The following RYR2 variants were observed in gnomAD, a reference collection of about 807,000 sequenced individuals.
RYR2 encodes ryanodine receptor 2.
RYR2 carries 227 observed loss-of-function variants against 601.1 expected under a neutral mutation model. That is an observed-to-expected ratio of 0.38 (90% CI 0.34 to 0.42). The LOEUF (loss-of-function observed/expected upper bound fraction) is 0.42. Among genes scored for constraint, RYR2 ranks in the 10% least tolerant of loss-of-function variants. The pLI, the probability that RYR2 is intolerant of heterozygous loss-of-function variation, is 1.00. For missense variants in RYR2, 4,646 were observed against 6,156.5 expected (o/e 0.75, Z 8.21); for synonymous variants, 2,223 against 2,175.1 (o/e 1.02, Z -0.61).
At chr1:237,210,388 GT>G (rs72317807) in intron 1 of RYR2, among the ~76,000 whole-genome samples, 4 of 151,830 alleles carry the variant, frequency 2.6e-5, no homozygotes, top group Non-Finnish European at 5.9e-5. Context: ...ACAAAGGTCT[GT>G]TTTTTTTCTT....
chr1:237,357,425 A>G (rs1400746850), intron 4 of RYR2, among the ~76,000 whole-genome samples: 1 of 151,912 alleles, frequency 6.6e-6, no homozygotes, highest in African/African-American at 2.4e-5. Flanking sequence ...CCATTACACT[A>G]TTTCTGTGCC....
intron 17 of RYR2, among the ~76,000 whole-genome samples, chr1:237,489,486 A>C (rs896763655): frequency 1.3e-5 from 2 of 152,100 alleles, no homozygotes; most frequent in African/African-American, 2.4e-5. Context: ...GTGAAACCCC[A>C]TCTCTACTAA....
At chr1:237,822,232 C>T (rs1206513625) in intron 101 of RYR2, among the ~76,000 whole-genome samples, 1 of 151,972 alleles carries the variant, frequency 6.6e-6, no homozygotes, top group Non-Finnish European at 1.5e-5. Context: ...GTCAGATTCA[C>T]CAAGGTTGAA....
chr1:237,539,357 C>T (rs1669006220), intron 25 of RYR2, among the ~76,000 whole-genome samples: 1 of 152,154 alleles, frequency 6.6e-6, no homozygotes, highest in Non-Finnish European at 1.5e-5. Context: ...CTACACGCAA[C>T]CCTTGGGCTA....
chr1:237,050,314 T>C (rs1041313448), intron 1 of RYR2, among the ~76,000 whole-genome samples: 4 of 152,062 alleles, frequency 2.6e-5, no homozygotes, highest in African/African-American at 9.7e-5. Context: ...AGAAAGTGTA[T>C]AGGAACTCAG....
intron 71 of RYR2, among the ~76,000 whole-genome samples, chr1:237,714,535 G>C (rs1257962597): frequency 6.6e-6 from 1 of 152,142 alleles, no homozygotes; most frequent in Non-Finnish European, 1.5e-5. Context: ...ATTTGAAGAA[G>C]AGTCTGTTTG....
intron 2 of RYR2, among the ~76,000 whole-genome samples, chr1:237,320,207 C>T (rs1166497438): frequency 6.6e-6 from 1 of 151,996 alleles, no homozygotes; most frequent in African/African-American, 2.4e-5. Flanking sequence ...GAAGATTTGC[C>T]AACCTTCTCA....
chr1:237,623,978 C>A, intron 39 of RYR2, 108 bp downstream of exon 39: 2 of 717,976 alleles, frequency 2.8e-6, no homozygotes, highest in Admixed American at 2.4e-5. Context: ...ACACACGATA[C>A]CTGTTAGAAA....
At chr1:237,832,202 C>CT (rs34580579) in intron 104 of RYR2, among the ~76,000 whole-genome samples, 12,233 of 148,568 alleles carry the variant, frequency 0.082, 615 homozygotes, top group Middle Eastern at 0.17. Flanking sequence ...CCACACCTGG[C>CT]TTTTTTTTGT....
At chr1:237,377,784 A>G (rs375542110) in intron 8 of RYR2, among the ~76,000 whole-genome samples, 45 of 152,342 alleles carry the variant, frequency 3.0e-4, no homozygotes, top group South Asian at 1.0e-3. Flanking sequence ...TGAAAAGGCT[A>G]TATTAATGAG....
chr1:237,331,888 G>GTC (rs1696784649), intron 3 of RYR2, among the ~76,000 whole-genome samples: 1 of 152,094 alleles, frequency 6.6e-6, no homozygotes, highest in African/African-American at 2.4e-5. Flanking sequence ...TTTTCAATGA[G>GTC]ACTTCCTGTG....
rs74147288 is a variant in RYR2, at chr1:237,480,704, G to A, written c.1709-11102G>A. ...TGCTCATTTTGTGTGTTTTATTTCA[G>A]CTAATTTACTCCAGCAAACTCCTGA... On this transcript the variant is annotated intron_variant, in intron 17 of 104. Transcript: ENST00000366574. Among the ~76,000 whole-genome samples, 500 of 152,120 alleles carry A rather than the reference G, an allele frequency of 3.3e-3. 3 individuals carry two copies. Among genetic ancestry groups the A allele is most frequent in the African/African-American group, 0.012 (487 of 41,506 alleles).
intron 11 of RYR2, among the ~76,000 whole-genome samples, chr1:237,420,828 T>G (rs966063957): frequency 2.7e-4 from 41 of 152,236 alleles, no homozygotes; most frequent in Admixed American, 5.2e-4. Flanking sequence ...AGATGAATTG[T>G]TATTCAGAAG....
chr1:237,356,432 T>A (rs1472218366), intron 4 of RYR2, among the ~76,000 whole-genome samples: 1 of 87,090 alleles, frequency 1.1e-5, no homozygotes, highest in Admixed American at 1.1e-4. Flanking sequence ...CATAGAACCT[T>A]TTTTTTTTTT....
chr1:237,261,851 C>T (rs925593335), intron 1 of RYR2, among the ~76,000 whole-genome samples: 3 of 152,126 alleles, frequency 2.0e-5, no homozygotes, highest in Admixed American at 6.6e-5. Context: ...GTAGCATCTC[C>T]GATCCCCTTA....
intron 41 of RYR2, among the ~76,000 whole-genome samples, chr1:237,629,956 A>G (rs539696746): frequency 1.3e-5 from 2 of 152,284 alleles, no homozygotes; most frequent in East Asian, 3.9e-4. Flanking sequence ...AGCAAATATT[A>G]GAGTCTTTAT....
chr1:237,669,937 C>T (rs1471641012), intron 58 of RYR2, among the ~76,000 whole-genome samples: 10 of 152,070 alleles, frequency 6.6e-5, no homozygotes, highest in Admixed American at 6.5e-5. Flanking sequence ...CCAAGGCAGG[C>T]GGCTGGGAGG....
At chr1:237,794,828 A>C (rs966142392) in intron 95 of RYR2, among the ~76,000 whole-genome samples, 13 of 151,886 alleles carry the variant, frequency 8.6e-5, no homozygotes, top group African/African-American at 3.1e-4. Flanking sequence ...CTTTAGGCAA[A>C]CTCTCTATGT....
At chr1:237,694,788 T>A (rs897432968) in intron 63 of RYR2, among the ~76,000 whole-genome samples, 1 of 152,196 alleles carries the variant, frequency 6.6e-6, no homozygotes, top group African/African-American at 2.4e-5. Context: ...AGGGAACCAA[T>A]AATTTTACTC....
Sources: allele counts gnomAD v4.1 joint callset (sites outside exome capture counted in the v4.1 genomes callset), GRCh38; gene constraint gnomAD v4.1.1; transcripts MANE v1.5; gene names NCBI Gene and HGNC (gene_info 2026-07-23, HGNC 2026-07-21).